Variants in TPTE observed in about 807,000 individuals in gnomAD.
The protein encoded by TPTE is transmembrane phosphatase with tensin homology, also known as putative tyrosine-protein phosphatase TPTE.
In TPTE, 59 loss-of-function variants were observed where a neutral mutation model predicts 84.1. The observed-to-expected ratio is 0.70, with a 90% confidence interval of 0.57 to 0.87. The LOEUF is 0.87. Among genes scored for constraint, TPTE ranks in the 40% least tolerant of loss-of-function variants. The pLI, the probability that TPTE is intolerant of heterozygous loss-of-function variation, is 0.00. For missense variants in TPTE, 382 were observed against 659.6 expected, an observed-to-expected ratio of 0.58 and a Z score of 4.61; for synonymous variants, 130 against 223.5, an observed-to-expected ratio of 0.58 and a Z score of 3.73.
At chr21:10,582,893 C>A (rs1302174771) in intron 17 of TPTE, among the ~76,000 whole-genome samples, 338 of 151,134 alleles carry the variant, frequency 2.2e-3, no homozygotes, top group African/African-American at 8.0e-3. Flanking sequence ...ACCACCACAC[C>A]CAGCTAATTT....
chr21:10,590,053 A>G (rs1236796688), intron 17 of TPTE, among the ~76,000 whole-genome samples: 3 of 152,312 alleles, frequency 2.0e-5, no homozygotes, highest in Non-Finnish European at 2.9e-5. Flanking sequence ...CTACATTTAT[A>G]TGTGAGACTG....
chr21:10,554,334 T>C (rs2074637251), intron 8 of TPTE, among the ~76,000 whole-genome samples: 1 of 152,308 alleles, frequency 6.6e-6, no homozygotes, highest in Non-Finnish European at 1.5e-5. Flanking sequence ...GTTATTTGCT[T>C]GTTATAAATT....
chr21:10,541,101 T>A lies in TPTE; in HGVS notation c.12-11T>A, dbSNP rs1489609343. ...GCATTGGGTCTGACTCTGACCATAT[T>A]TGTCCTTTAGTCCTGATCCGACTGA... On this transcript the variant is annotated splice_polypyrimidine_tract_variant and intron_variant, in intron 4 of 23. Coordinates refer to ENST00000618007, the MANE Select transcript of TPTE (RefSeq NM_199261.4). The A allele has an allele frequency of 6.2e-7, 1 of 1,612,972 alleles. No individual in the cohort carries two copies. The highest frequency in any genetic ancestry group is 1.1e-5 in the South Asian group (1 of 91,074).
chr21:10,568,718 T>C (rs2074977371), intron 11 of TPTE, among the ~76,000 whole-genome samples: 1 of 152,306 alleles, frequency 6.6e-6, no homozygotes, highest in Middle Eastern at 3.2e-3. Flanking sequence ...GCTAGAAATA[T>C]AAGAAGAAAA....
At chr21:10,591,065 C>T (rs1415760396) in intron 18 of TPTE, among the ~76,000 whole-genome samples, 2 of 152,296 alleles carry the variant, frequency 1.3e-5, no homozygotes, top group Non-Finnish European at 2.9e-5. Flanking sequence ...AAGAGCCTTG[C>T]CCATCCTCAC....
chr21:10,529,104 A>C lies in TPTE; in HGVS notation c.-44+1692A>C, dbSNP rs2074132380. On this transcript the variant is annotated intron_variant, in intron 3 of 23. Transcript: ENST00000618007. ...GAGGCTGAGGCAGAAGGATCACTTG[A>C]ATCCGGGAAGCAGAAGTTGCAGTGA... 2.0e-5 allele frequency among the ~76,000 whole-genome samples: 3 copies of C among 152,424 alleles called. No individual in the cohort carries two copies. In the South Asian group the frequency reaches 6.2e-4, roughly 32 times the overall value.
intron 3 of TPTE, among the ~76,000 whole-genome samples, chr21:10,529,222 C>T (rs2074134978): frequency 6.6e-6 from 1 of 151,828 alleles, no homozygotes; most frequent in Non-Finnish European, 1.5e-5. Context: ...TGCAGATTAT[C>T]TGTTCACCAC....
intron 10 of TPTE, among the ~76,000 whole-genome samples, chr21:10,561,794 G>C (rs1388726705): frequency 5.9e-5 from 9 of 152,304 alleles, no homozygotes; most frequent in African/African-American, 2.2e-4. Flanking sequence ...GGATCCACCT[G>C]TAGGCTAGGA....
intron 4 of TPTE, chr21:10,540,894 T>G (rs563678798): frequency 3.9e-4 from 280 of 712,830 alleles, no homozygotes; most frequent in East Asian, 3.4e-3. Flanking sequence ...TTAATCTGCA[T>G]GCATCGCTAT....
At chr21:10,544,436 G>A (rs569933497) in intron 7 of TPTE, among the ~76,000 whole-genome samples, 38 of 152,414 alleles carry the variant, frequency 2.5e-4, no homozygotes, top group African/African-American at 6.7e-4. Context: ...CCAAGCTGGC[G>A]TGCAGTGGCG....
chr21:10,552,526 C>T lies in TPTE; in HGVS notation c.174-131C>T, dbSNP rs1180799469. The T allele has an allele frequency of 1.7e-4, 247 of 1,431,822 alleles. No homozygotes were observed. In the African/African-American group the frequency reaches 3.5e-3, roughly 20 times the overall value. The allele number at this position is 1,431,822 out of a possible 1,614,324, so 88.7% of individuals were successfully genotyped here. Reference sequence around the variant, plus strand: ...TTTCTCTCTTAAATATTAGGTCTTCCAGTGAGCTAAGTCATGTTTACTATA... The same window carrying T: ...TTTCTCTCTTAAATATTAGGTCTTCTAGTGAGCTAAGTCATGTTTACTATA... On this transcript the variant is annotated intron_variant, in intron 7 of 23. Coordinates refer to ENST00000618007, the MANE Select transcript of TPTE (RefSeq NM_199261.4).
chr21:10,574,444 A>C (rs1403311137), intron 14 of TPTE, among the ~76,000 whole-genome samples: 1 of 152,308 alleles, frequency 6.6e-6, no homozygotes, highest in African/African-American at 2.4e-5. Context: ...CTAGTGATAA[A>C]CCAAGGGCTA....
chr21:10,571,036 C>T (rs1228254764), intron 14 of TPTE, among the ~76,000 whole-genome samples: 5 of 152,240 alleles, frequency 3.3e-5, no homozygotes, highest in African/African-American at 1.2e-4. Flanking sequence ...CACCATTTGC[C>T]TCATGCACTT....
At chr21:10,588,392 A>G (rs2075404765) in intron 17 of TPTE, among the ~76,000 whole-genome samples, 1 of 152,310 alleles carries the variant, frequency 6.6e-6, no homozygotes, top group African/African-American at 2.4e-5. Flanking sequence ...TGTTATCCTG[A>G]TGGGGCTACC....
At chr21:10,535,081 G>A (rs568364956) in intron 3 of TPTE, among the ~76,000 whole-genome samples, 23 of 152,416 alleles carry the variant, frequency 1.5e-4, no homozygotes, top group African/African-American at 5.3e-4. Flanking sequence ...CTCTTTGCTA[G>A]CTTTTTCTGG....
At chr21:10,598,294 A>G (rs1193750437) in intron 21 of TPTE, among the ~76,000 whole-genome samples, 200 bp downstream of exon 21, 1 of 152,312 alleles carries the variant, frequency 6.6e-6, no homozygotes, top group African/African-American at 2.4e-5. Context: ...CAGTTTTTTC[A>G]GGGTGCTTTC....
chr21:10,603,491 G>A (rs1253993155), intron 22 of TPTE, 71 bp from the exon 23 acceptor site: 2 of 1,427,970 alleles, frequency 1.4e-6, no homozygotes, highest in African/African-American at 1.4e-5. Context: ...AATAAAGAAA[G>A]GAACTTCAAT....
At chr21:10,537,131 A>G (rs1272004960) in intron 3 of TPTE, among the ~76,000 whole-genome samples, 1 of 152,424 alleles carries the variant, frequency 6.6e-6, no homozygotes, top group Non-Finnish European at 1.5e-5. Flanking sequence ...AGGAAATGAG[A>G]TGGGGTCAAG....
intron 7 of TPTE, among the ~76,000 whole-genome samples, chr21:10,546,484 A>C (rs1291848646): frequency 1.3e-5 from 2 of 152,310 alleles, no homozygotes; most frequent in Non-Finnish European, 2.9e-5. Flanking sequence ...ACTTTAAACC[A>C]AAAGCTAGAA....
Sources: gnomAD v4.1 joint callset for allele counts (sites outside exome capture counted in the v4.1 genomes callset) on GRCh38, gnomAD v4.1.1 for gene constraint, MANE v1.5 for transcripts, NCBI Gene and HGNC (gene_info 2026-07-23, HGNC 2026-07-21) for gene names.